Variants in C6orf136 observed in about 807,000 individuals in gnomAD.
C6orf136 encodes chromosome 6 open reading frame 136.
C6orf136 carries 29 observed loss-of-function variants against 44.0 expected under a neutral mutation model. That is an observed-to-expected ratio of 0.66 (90% CI 0.49 to 0.90). The LOEUF is 0.90. Among genes scored for constraint, C6orf136 ranks in the 40% least tolerant of loss-of-function variants. C6orf136 has a pLI of 0.00. For missense variants in C6orf136, 628 were observed against 669.3 expected (o/e 0.94, Z 0.68); for synonymous variants, 293 against 278.6 (o/e 1.05, Z -0.52).
At position 30,649,592 on chromosome 6, in the gene C6orf136, C is replaced by T. The variant is rs760331540; in HGVS notation, c.650C>T (p.Pro217Leu). Reference protein sequence around the residue: ...QLYPGTLPFPPLWPHSTTTTS... With the variant: ...QLYPGTLPFPLLWPHSTTTTS... ...TATCCAGGGACTCTACCATTCCCAC[C>T]CCTTTGGCCCCACTCCACGACAACC... The change falls in exon 2 of 6, where the codon CCC (proline) becomes CTC (leucine). Residue 217 changes from proline to leucine, a missense_variant. Coordinates refer to ENST00000651131, the MANE Select transcript of C6orf136 (RefSeq NM_001161376.2). 2 of 1,589,000 alleles carry T rather than the reference C, an allele frequency of 1.3e-6. No individual in the cohort carries two copies. The highest frequency in any genetic ancestry group is 2.0e-5 in the Admixed American group (1 of 50,410).
Position 30,651,344 on chromosome 6 carries a change from G to T in C6orf136, c.1185G>T (p.Glu395Asp). The T allele has an allele frequency of 6.2e-7, 1 of 1,613,992 alleles. No homozygotes were observed. ...AWNYFAHLRL[E>D]VLQLTRHPEN... ...ATTATTTTGCACACCTTCGTTTGGA[G>T]GTTTTACAGCTGACCCGCCACCCTG... The change falls in exon 4 of 6, where the codon GAG becomes GAT. Residue 395 changes from glutamate to aspartate, a missense_variant. Coordinates refer to ENST00000651131, the MANE Select transcript of C6orf136 (RefSeq NM_001161376.2).
chr6:30,652,445 G>A (rs527519029), intron 4 of C6orf136, among the ~76,000 whole-genome samples: 1 of 152,314 alleles, frequency 6.6e-6, no homozygotes, highest in East Asian at 1.9e-4. Context: ...CAGTAGAAAT[G>A]CCCAAGGATC....
chr6:30,649,591 C>A lies in C6orf136; in HGVS notation c.649C>A (p.Pro217Thr). ...QLYPGTLPFP[P>T]LWPHSTTTTS... The stretch of plus-strand genomic sequence containing the variant: ...TTATCCAGGGACTCTACCATTCCCA[C>A]CCCTTTGGCCCCACTCCACGACAAC... The change falls in exon 2 of 6, where the codon CCC becomes ACC. Residue 217 changes from proline (P) to threonine (T), a missense_variant. Transcript: ENST00000651131. The A allele has an allele frequency of 6.3e-7, 1 of 1,589,286 alleles. No homozygotes were observed. Among genetic ancestry groups the A allele is most frequent in the Non-Finnish European group, 8.5e-7 (1 of 1,173,814 alleles).
chr6:30,652,566 G>A, intron 4 of C6orf136, 82 bp from the exon 5 acceptor site: 1 of 1,250,436 alleles, frequency 8.0e-7, no homozygotes, highest in South Asian at 1.2e-5. Context: ...AGAATTTAGG[G>A]ACTACTCGTT....
intron 2 of C6orf136, 44 bp from the exon 3 acceptor site, chr6:30,650,950 A>T: frequency 1.4e-6 from 2 of 1,406,530 alleles, no homozygotes; most frequent in Non-Finnish European, 9.9e-7. Context: ...AAATAGGATT[A>T]TCTTTTCTTT....
At chr6:30,648,399 CTTTTTTT>C (rs57790985) in intron 1 of C6orf136, among the ~76,000 whole-genome samples, 2 of 135,380 alleles carry the variant, frequency 1.5e-5, no homozygotes, top group African/African-American at 2.7e-5. Context: ...GTGTTGGAAT[CTTTTTTT>C]TTTTTTTTTT....
chr6:30,651,997 T>C (rs1378883765), intron 4 of C6orf136, among the ~76,000 whole-genome samples: 1 of 151,950 alleles, frequency 6.6e-6, no homozygotes, highest in Non-Finnish European at 1.5e-5. Context: ...ATGCCTGTAA[T>C]GCCAGCACTT....
chr6:30,649,472 A>T, intron 1 of C6orf136, 86 bp from the exon 2 acceptor site: 1 of 1,216,792 alleles, frequency 8.2e-7, no homozygotes, highest in Non-Finnish European at 1.1e-6. Flanking sequence ...AGGAATAGGT[A>T]TTGGAAGCCT....
Position 30,647,197 on chromosome 6 carries a change from G to A in C6orf136, c.-35G>A. 1 of 1,536,194 alleles carries A rather than the reference G, an allele frequency of 6.5e-7. No individual in the cohort carries two copies. Among genetic ancestry groups the A allele is most frequent in the Non-Finnish European group, 8.7e-7 (1 of 1,149,652 alleles). On this transcript the variant is annotated 5_prime_UTR_variant, in exon 1 of 6. Transcript: ENST00000651131. This position sits in a 1 kb window ranked among gnomAD's most constrained non-coding sequence, Gnocchi z 4.8. ...ACCCCTGTGAGGAGGCCGGAGGTCG[G>A]ACTCAGGAGGCTCCTTCTCCACTCC...
Position 30,647,600 on chromosome 6 carries a change from G to C in C6orf136, c.369G>C (p.Val123=), listed in dbSNP as rs1346931261. Residue 123 remains valine (V), a synonymous_variant, in exon 1 of 6, where the codon GTG becomes GTC. Transcript: ENST00000651131. This position sits in a 1 kb window ranked among gnomAD's most constrained non-coding sequence, Gnocchi z 4.8. ...CVAPDSPRLP[V]PRGDLKGRGR... ...CGCCCGACTCTCCGCGGTTACCTGT[G>C]CCTAGAGGTGATTTGAAGGGCAGGG... 12 of 1,548,982 alleles carry C rather than the reference G, an allele frequency of 7.7e-6. No homozygotes were observed. In the East Asian group the frequency reaches 2.9e-4, roughly 38 times the overall value.
Position 30,647,220 on chromosome 6 carries a change from T to G in C6orf136, c.-12T>G. On this transcript the variant is annotated 5_prime_UTR_variant, in exon 1 of 6. Coordinates refer to ENST00000651131, the MANE Select transcript of C6orf136 (RefSeq NM_001161376.2). The surrounding 1 kb of genome is among the most constrained non-coding windows in gnomAD (Gnocchi z 4.8). Reference sequence around the variant, plus strand: ...CGGACTCAGGAGGCTCCTTCTCCACTCCCGGAAGATCATGTACCAGCCCAG... The same window carrying G: ...CGGACTCAGGAGGCTCCTTCTCCACGCCCGGAAGATCATGTACCAGCCCAG... 1.9e-6 allele frequency: 3 copies of G among 1,567,312 alleles called. No individual in the cohort carries two copies. The highest frequency in any genetic ancestry group is 2.6e-6 in the Non-Finnish European group (3 of 1,161,696).
chr6:30,651,373 ACTGGACCCTGCAAGCCC>A lies in C6orf136; in HGVS notation c.1215_1231del (p.Asn405LysfsTer20), dbSNP rs767883008. 1.2e-6 allele frequency: 2 copies of A among 1,613,810 alleles called. No homozygotes were observed. Among genetic ancestry groups the A allele is most frequent in the Non-Finnish European group, 1.7e-6 (2 of 1,180,032 alleles). On this transcript the variant is annotated frameshift_variant, in exon 4 of 6. Transcript: ENST00000651131. LOFTEE classifies it high-confidence loss of function. ...TTACAGCTGACCCGCCACCCTGAGAACTGGACCCTGCAAGCCCGGTGGCGGCTTGTGGGGCTGCCCGT... is the reference window on the plus strand; with the variant it reads ...TTACAGCTGACCCGCCACCCTGAGAAGGTGGCGGCTTGTGGGGCTGCCCGT...
At position 30,647,384 on chromosome 6, in the gene C6orf136, GCTGGGTT is replaced by G; in HGVS notation, c.155_161del (p.Leu52ProfsTer22). ...AGCCGGTGCGTGGGGCGGAGCGCGCGCTGGGTTCCGCGCAGGCGCAGAGACACCCGCC... is the reference window on the plus strand; with the variant it reads ...AGCCGGTGCGTGGGGCGGAGCGCGCGCCGCGCAGGCGCAGAGACACCCGCC... On this transcript the variant is annotated frameshift_variant, in exon 1 of 6. Transcript: ENST00000651131. LOFTEE classifies it high-confidence loss of function. This position sits in a 1 kb window ranked among gnomAD's most constrained non-coding sequence, Gnocchi z 4.8. 2 of 1,485,258 alleles carry G rather than the reference GCTGGGTT, an allele frequency of 1.3e-6. No homozygotes were observed. The highest frequency in any genetic ancestry group is 1.8e-6 in the Non-Finnish European group (2 of 1,119,168). 92.0% of individuals were successfully genotyped at this position (1,485,258 alleles called of 1,614,324 possible).
At chr6:30,652,238 G>GTC (rs1479705404) in intron 4 of C6orf136, among the ~76,000 whole-genome samples, 4 of 89,156 alleles carry the variant, frequency 4.5e-5, no homozygotes, top group African/African-American at 1.8e-4. Context: ...GTGAAACCCT[G>GTC]TCACACACAC....
Position 30,649,554 on chromosome 6 carries a change from T to C in C6orf136, c.616-4T>C, listed in dbSNP as rs1767205418. The C allele has an allele frequency of 1.3e-6, 2 of 1,579,048 alleles. No individual in the cohort carries two copies. Among genetic ancestry groups the C allele is most frequent in the African/African-American group, 1.4e-5 (1 of 72,494 alleles). ...TCTTTCTCCCTTCTGTTCTTTCTCC[T>C]TAGGACCAGCTTTATCCAGGGACTC... On this transcript the variant is annotated splice_polypyrimidine_tract_variant and splice_region_variant and intron_variant, in intron 1 of 5. Transcript: ENST00000651131.
In C6orf136 at chr6:30,647,482, G is replaced by C; in HGVS notation, c.251G>C (p.Arg84Pro). Residue 84 changes from arginine (R) to proline (P), a missense_variant, in exon 1 of 6, where the codon CGC becomes CCC. Around this residue, in one of 2 missense-constraint regions of C6orf136, gnomAD observed 497 missense variants for 469.2 expected, o/e 1.06. Coordinates refer to ENST00000651131, the MANE Select transcript of C6orf136 (RefSeq NM_001161376.2). The surrounding 1 kb of genome is among the most constrained non-coding windows in gnomAD (Gnocchi z 4.8). ...GGGGTCGCGGGAGCGGGAGGGAGGCGCTGCCGGGCCTGTCGCGCAAGGACG... is the reference window on the plus strand; with the variant it reads ...GGGGTCGCGGGAGCGGGAGGGAGGCCCTGCCGGGCCTGTCGCGCAAGGACG... ...RLGVAGAGGR[R>P]CRACRARTSV... is the part of the protein sequence containing the mutation. The C allele has an allele frequency of 1.3e-6, 2 of 1,487,026 alleles. No individual in the cohort carries two copies. Among genetic ancestry groups the C allele is most frequent in the Non-Finnish European group, 1.8e-6 (2 of 1,112,256 alleles). 92.1% of individuals were successfully genotyped at this position (1,487,026 alleles called of 1,614,324 possible).
chr6:30,650,335 G>A (rs1396052975), intron 2 of C6orf136, among the ~76,000 whole-genome samples: 1 of 148,180 alleles, frequency 6.7e-6, no homozygotes, highest in Non-Finnish European at 1.5e-5. Flanking sequence ...CGCAGTGAAA[G>A]GAGATATCTC....
rs1767611233 is a variant in C6orf136, at chr6:30,653,154, T to A, written c.*239T>A. The A allele has an allele frequency of 6.8e-7, 1 of 1,462,098 alleles. No homozygotes were observed. Among genetic ancestry groups the A allele is most frequent in the East Asian group, 2.5e-5 (1 of 40,730 alleles). The allele number at this position is 1,462,098 out of a possible 1,614,324, so 90.6% of individuals were successfully genotyped here. A position where few individuals can be genotyped will look rare whatever the true frequency, so the allele number is the denominator to read the frequency against. ...TAGATCCCAAATGTTCCCACAAGCT[T>A]TATTCCAAAAATAATTTTATTTAAT... is the stretch of plus-strand genomic sequence containing the variant. On this transcript the variant is annotated 3_prime_UTR_variant, in exon 6 of 6. Transcript: ENST00000651131.
intron 4 of C6orf136, 46 bp from the exon 5 acceptor site, chr6:30,652,602 G>C: frequency 6.5e-7 from 1 of 1,548,686 alleles, no homozygotes; most frequent in Non-Finnish European, 8.9e-7. Flanking sequence ...ATTCAGCTTT[G>C]GGACCAGTCA....
Sources: allele counts gnomAD v4.1 joint callset (sites outside exome capture counted in the v4.1 genomes callset), GRCh38; gene constraint gnomAD v4.1.1; regional missense constraint gnomAD v4.1.1; non-coding constraint Gnocchi (gnomAD v3.1); transcripts MANE v1.5; gene names NCBI Gene and HGNC (gene_info 2026-07-23, HGNC 2026-07-21).